ZNF875: variants seen among roughly 807,000 people sequenced by gnomAD.
ZNF875 encodes zinc finger protein 875, also known as HKR1, GLI-Kruppel zinc finger family member.
In ZNF875, 14 loss-of-function variants were observed where a neutral mutation model predicts 11.2. The observed-to-expected ratio is 1.26, with a 90% CI of 0.83 to 1.96. The LOEUF (loss-of-function observed/expected upper bound fraction) is 1.96. Ranked by LOEUF, ZNF875 falls within the 30% of genes most tolerant of loss-of-function variation. The probability of loss-of-function intolerance (pLI) is 0.00; values close to 1 mark genes in which losing one functional copy is unlikely to be tolerated. For missense variants in ZNF875, 752 were observed against 760.4 expected, an observed-to-expected ratio of 0.99 and a Z score of 0.13; for synonymous variants, 301 against 281.1, an observed-to-expected ratio of 1.07 and a Z score of -0.71.
upstream of ZNF875, among the ~76,000 whole-genome samples, chr19:37,333,394 T>C (rs2033705389): frequency 6.6e-6 from 1 of 152,158 alleles, no homozygotes; most frequent in Admixed American, 6.6e-5. Context: ...GCCGGGTCAT[T>C]TACCTGGGCT....
chr19:37,329,538 A>T (rs1599907900), intron 4 of ZNF875, among the ~76,000 whole-genome samples: 1 of 152,194 alleles, frequency 6.6e-6, no homozygotes, highest in Non-Finnish European at 1.5e-5. Flanking sequence ...GCATGCAGAT[A>T]AATGTTTATG....
intron 4 of ZNF875, among the ~76,000 whole-genome samples, chr19:37,357,073 T>A (rs2039036588): frequency 6.6e-6 from 1 of 152,240 alleles, no homozygotes; most frequent in Non-Finnish European, 1.5e-5. Context: ...ATTTATTGAA[T>A]AGGGTGTCCT....
Position 37,335,062 on chromosome 19 carries a change from C to T in ZNF875, c.-56-107C>T, listed in dbSNP as rs1240673104. Reference sequence around the variant, plus strand: ...TGGGAATTGGCTGCTCTGGTGATTTCTGTGACATCCCAGACCCCAACTGTG... The same window carrying T: ...TGGGAATTGGCTGCTCTGGTGATTTTTGTGACATCCCAGACCCCAACTGTG... On this transcript the variant is annotated intron_variant, in intron 1 of 4. Coordinates refer to ENST00000392153, the MANE Select transcript of ZNF875 (RefSeq NM_001353803.2). 14 of 593,558 alleles carry T rather than the reference C, an allele frequency of 2.4e-5. No homozygotes were observed. In the East Asian group the frequency reaches 4.1e-4, roughly 18 times the overall value. 36.8% of individuals were successfully genotyped at this position (593,558 alleles called of 1,614,324 possible).
intron 1 of ZNF875, among the ~76,000 whole-genome samples, chr19:37,321,313 G>T (rs900504790): frequency 6.6e-6 from 1 of 152,208 alleles, no homozygotes; most frequent in South Asian, 2.1e-4. Flanking sequence ...ATGTCTCTGT[G>T]TAAAACCCGA....
chr19:37,333,918 C>T (rs1568576657), upstream of ZNF875, among the ~76,000 whole-genome samples: 2 of 152,204 alleles, frequency 1.3e-5, no homozygotes, highest in South Asian at 2.1e-4. Flanking sequence ...CGCCCCACCT[C>T]CACCCCACCC....
chr19:37,347,166 G>GC, intron 2 of ZNF875, 24 bp from the exon 3 acceptor site: 1 of 1,613,562 alleles, frequency 6.2e-7, no homozygotes, highest in Non-Finnish European at 8.5e-7. Context: ...TCCTGGGTGA[G>GC]CAGAGGTGTG....
chr19:37,350,472 AC>A (rs1178638107), intron 4 of ZNF875, among the ~76,000 whole-genome samples: 5 of 152,116 alleles, frequency 3.3e-5, no homozygotes, highest in African/African-American at 9.6e-5. Context: ...TTTACTCTTC[AC>A]CCTGCTTTCC....
chr19:37,318,869 T>G (rs2030659656), intron 1 of ZNF875, among the ~76,000 whole-genome samples: 1 of 151,810 alleles, frequency 6.6e-6, no homozygotes, highest in Admixed American at 6.6e-5. Flanking sequence ...GCACAGCGAG[T>G]TAGTTTGGAA....
Position 37,362,845 on chromosome 19 carries a change from ACACT to A in ZNF875, c.996_999del (p.His332GlnfsTer17). The stretch of plus-strand genomic sequence containing the variant: ...CGAACCTCTTTACACATCAGCGGAC[ACACT>A]CAGGGCTCAAGCCTTATGTGTGCAA... On this transcript the variant is annotated frameshift_variant, in exon 5 of 5. Coordinates refer to ENST00000392153, the MANE Select transcript of ZNF875 (RefSeq NM_001353803.2). LOFTEE classifies it low-confidence loss of function (END_TRUNC). 2.5e-6 allele frequency: 4 copies of A among 1,614,170 alleles called. No individual in the cohort carries two copies. The highest frequency in any genetic ancestry group is 3.4e-6 in the Non-Finnish European group (4 of 1,180,024).
At chr19:37,331,924 G>T (rs2033461985), upstream of ZNF875, among the ~76,000 whole-genome samples, 1 of 132,512 alleles carries the variant, frequency 7.5e-6, no homozygotes, top group East Asian at 2.4e-4. Flanking sequence ...CTGGGCAATG[G>T]AATGTCTCGG....
rs150105849 is a variant in ZNF875 at position 37,363,076 on chromosome 19, C to T, written c.1224C>T (p.His408=). The stretch of plus-strand genomic sequence containing the variant: ...AGCAAGGCTTTAGCCAGAAGTCACA[C>T]CTCATCAGACACTTAAGGACACACA... ...ECEQGFSQKS[H]LIRHLRTHTG... is the part of the protein sequence containing the mutation. Residue 408 remains histidine, a synonymous_variant, in exon 5 of 5, where the codon CAC becomes CAT. Transcript: ENST00000392153. The T allele has an allele frequency of 2.2e-3, 3,548 of 1,614,026 alleles. 33 individuals are homozygous for T. Among genetic ancestry groups the T allele is most frequent in the Middle Eastern group, 0.022 (131 of 6,062 alleles).
At chr19:37,349,430 T>C (rs1315312361) in intron 4 of ZNF875, among the ~76,000 whole-genome samples, 1 of 152,186 alleles carries the variant, frequency 6.6e-6, no homozygotes, top group East Asian at 1.9e-4. Flanking sequence ...TGATCATCTT[T>C]TGGGTATGAA....
upstream of ZNF875, among the ~76,000 whole-genome samples, chr19:37,332,175 C>T (rs547770447): frequency 1.5e-4 from 22 of 150,136 alleles, no homozygotes; most frequent in African/African-American, 4.7e-4. Context: ...TCCGCCTCTT[C>T]GAGAAACACC....
chr19:37,344,846 G>A (rs186060791), intron 2 of ZNF875: 1 of 907,136 alleles, frequency 1.1e-6, no homozygotes, highest in Non-Finnish European at 1.9e-6. Flanking sequence ...TTTTCAAGGG[G>A]TGTATGTGTG....
At chr19:37,349,095 C>G (rs2037368278) in intron 4 of ZNF875, among the ~76,000 whole-genome samples, 1 of 152,028 alleles carries the variant, frequency 6.6e-6, no homozygotes, top group Non-Finnish European at 1.5e-5. Flanking sequence ...GAGCAGAGTC[C>G]CAGTCTCTGC....
At chr19:37,344,309 T>C (rs988328207) in intron 2 of ZNF875, among the ~76,000 whole-genome samples, 2 of 152,172 alleles carry the variant, frequency 1.3e-5, no homozygotes, top group African/African-American at 2.4e-5. Flanking sequence ...TGTTCAAACA[T>C]TGCTGGGCTC....
At chr19:37,317,408 TC>T (rs2030305158), upstream of ZNF875, among the ~76,000 whole-genome samples, 1 of 151,840 alleles carries the variant, frequency 6.6e-6, no homozygotes, top group Non-Finnish European at 1.5e-5. Context: ...TCTCCTGACC[TC>T]GTGATCCGCC....
At chr19:37,353,469 T>C (rs2038311652) in intron 4 of ZNF875, among the ~76,000 whole-genome samples, 1 of 152,228 alleles carries the variant, frequency 6.6e-6, no homozygotes, top group Non-Finnish European at 1.5e-5. Flanking sequence ...GGTAAATGTA[T>C]GTAGAAATAT....
At chr19:37,330,481 C>T (rs1201116469), upstream of ZNF875, among the ~76,000 whole-genome samples, 1 of 152,190 alleles carries the variant, frequency 6.6e-6, no homozygotes, top group East Asian at 1.9e-4. Flanking sequence ...ACTTTATGCA[C>T]AGACTTAATG....
Sources: gnomAD v4.1 joint callset for allele counts (sites outside exome capture counted in the v4.1 genomes callset) on GRCh38, gnomAD v4.1.1 for gene constraint, MANE v1.5 for transcripts, NCBI Gene and HGNC (gene_info 2026-07-23, HGNC 2026-07-21) for gene names.